Variants in CACNA1C observed in about 807,000 individuals in gnomAD.
The protein encoded by CACNA1C is calcium voltage-gated channel subunit alpha1 C.
A neutral mutation model predicts 229.0 loss-of-function variants in CACNA1C; 30 were observed. The observed-to-expected ratio is 0.13, with a 90% CI of 0.10 to 0.18. The LOEUF is 0.18. CACNA1C is among the 10% of genes least tolerant of loss of function. The pLI is 1.00. For synonymous variants in CACNA1C, 1,114 were observed against 1,132.5 expected (o/e 0.98, Z 0.33); for missense variants, 1,658 against 2,845.0 (o/e 0.58, Z 9.49).
intron 5 of CACNA1C, among the ~76,000 whole-genome samples, chr12:2,476,126 GAGGC>G (rs1277548721): frequency 2.0e-5 from 3 of 152,210 alleles, no homozygotes; most frequent in African/African-American, 2.4e-5. Flanking sequence ...CACCAATAGG[GAGGC>G]AGCACAGAGG....
rs996657572 is a variant in CACNA1C, at chr12:2,108,398, ACCG to A, written c.50-6823_50-6821del. On this transcript the variant is annotated intron_variant, in intron 1 of 46. Coordinates refer to ENST00000399655, the MANE Select transcript of CACNA1C (RefSeq NM_000719.7). This position sits in a 1 kb window ranked among gnomAD's most constrained non-coding sequence, Gnocchi z 5.3. ...TGCCAAGGGCTGGCTCTGGGATCAC[ACCG>A]CCTTATGCATGATCCAGGAATCAGG... is the stretch of plus-strand genomic sequence containing the variant. 3.9e-5 allele frequency among the ~76,000 whole-genome samples: 6 copies of A among 152,202 alleles called. No individual in the cohort carries two copies. The highest frequency in any genetic ancestry group is 2.6e-4 in the Admixed American group (4 of 15,284).
At chr12:2,094,572 C>A (rs1448039676) in intron 1 of CACNA1C, among the ~76,000 whole-genome samples, 1 of 152,104 alleles carries the variant, frequency 6.6e-6, no homozygotes, top group Non-Finnish European at 1.5e-5. Flanking sequence ...GTGCATAGGA[C>A]CTTAGAGGTC....
At chr12:2,066,211 T>G (rs2059200991) in intron 1 of CACNA1C, among the ~76,000 whole-genome samples, 1 of 151,726 alleles carries the variant, frequency 6.6e-6, no homozygotes, top group Non-Finnish European at 1.5e-5. Context: ...GGGTAGAGGT[T>G]GTATTTGGAG....
At position 2,500,199 on chromosome 12, in the gene CACNA1C, G is replaced by T. The variant is rs570632721; in HGVS notation, c.1114-4643G>T. On this transcript the variant is annotated intron_variant, in intron 7 of 46. Transcript: ENST00000399655. ...AAAAACCAGCCCACAGCCCAGGGGG[G>T]ACCAAAGCAGCAGTGTGGGACGGCG... 9.8e-5 allele frequency among the ~76,000 whole-genome samples: 15 copies of T among 152,290 alleles called. No homozygotes were observed. In the South Asian group the frequency reaches 1.0e-3, roughly 11 times the overall value.
At chr12:2,146,182 A>T (rs2094688130) in intron 3 of CACNA1C, among the ~76,000 whole-genome samples, 1 of 150,802 alleles carries the variant, frequency 6.6e-6, no homozygotes, top group Non-Finnish European at 1.5e-5. Context: ...AAAGGTTCTC[A>T]CCCTCGAGGA....
chr12:2,340,198 C>CAT (rs2096822856), intron 3 of CACNA1C, among the ~76,000 whole-genome samples: 1 of 152,172 alleles, frequency 6.6e-6, no homozygotes, highest in East Asian at 1.9e-4. Context: ...TACATAATAA[C>CAT]ATATATATGT....
chr12:2,387,618 G>A (rs2098415747), intron 3 of CACNA1C, among the ~76,000 whole-genome samples: 1 of 152,196 alleles, frequency 6.6e-6, no homozygotes, highest in South Asian at 2.1e-4. Flanking sequence ...TTCCATCCAG[G>A]GTTAGCTCCT....
At chr12:2,393,824 G>T (rs2098527560) in intron 3 of CACNA1C, among the ~76,000 whole-genome samples, 1 of 152,192 alleles carries the variant, frequency 6.6e-6, no homozygotes, top group South Asian at 2.1e-4. Flanking sequence ...GGACACTGGG[G>T]ATTGGTCGTG....
At chr12:2,686,321 T>A (rs2097484930) in intron 45 of CACNA1C, 52 bp downstream of exon 45, 2 of 1,363,394 alleles carry the variant, frequency 1.5e-6, no homozygotes, top group African/African-American at 2.9e-5. Context: ...GGCCAGACAG[T>A]CCCCAGGGTG....
At chr12:2,332,961 G>A (rs761552587) in intron 3 of CACNA1C, among the ~76,000 whole-genome samples, 11 of 152,168 alleles carry the variant, frequency 7.2e-5, no homozygotes, top group Non-Finnish European at 1.3e-4. Context: ...AAATAAAGTA[G>A]CAATGAAGTT....
intron 10 of CACNA1C, among the ~76,000 whole-genome samples, chr12:2,555,710 G>A (rs2154592498): frequency 6.6e-6 from 1 of 152,346 alleles, no homozygotes; most frequent in South Asian, 2.1e-4. Context: ...TAACCGTTCG[G>A]AGCAGTAAAG....
rs1198313183 is a variant in CACNA1C at position 1,983,850 on chromosome 12, A to C, written c.139+12649A>C. ...TCCAAGTAACTGCAGAATTAAAAAA[A>C]AAACAAAAACTTCTCCTTTCGGTTC... On this transcript the variant is annotated intron_variant, in intron 1 of 46. Transcript: ENST00000682462. Among the ~76,000 whole-genome samples the C allele has an allele frequency of 3.3e-5, 5 of 152,048 alleles. No homozygotes were observed. In the South Asian group the frequency reaches 8.3e-4, roughly 25 times the overall value.
intron 1 of CACNA1C, among the ~76,000 whole-genome samples, chr12:2,075,543 CTTCTA>C (rs2154526435): frequency 6.6e-6 from 1 of 152,334 alleles, no homozygotes; most frequent in South Asian, 2.1e-4. Flanking sequence ...TGAGCTCTGG[CTTCTA>C]AAACGCTTTG....
chr12:2,063,368 T>G (rs1361600777), intron 1 of CACNA1C, among the ~76,000 whole-genome samples: 1 of 152,144 alleles, frequency 6.6e-6, no homozygotes, highest in Non-Finnish European at 1.5e-5. Flanking sequence ...GCCAGGATGG[T>G]CTCCATCTCC....
intron 3 of CACNA1C, among the ~76,000 whole-genome samples, chr12:2,407,909 A>C (rs927985944): frequency 6.6e-6 from 1 of 152,222 alleles, no homozygotes; most frequent in African/African-American, 2.4e-5. Context: ...GTTAGACAAT[A>C]ACTATTCTCC....
At chr12:2,241,404 A>ATG (rs1344923631) in intron 3 of CACNA1C, among the ~76,000 whole-genome samples, 1 of 152,066 alleles carries the variant, frequency 6.6e-6, no homozygotes, top group African/African-American at 2.4e-5. Context: ...TTATCATGCC[A>ATG]TGTTTTTTAT....
rs190760462 is a variant in CACNA1C, at chr12:2,297,155, G to A, written c.478-151821G>A. On this transcript the variant is annotated intron_variant, in intron 3 of 46. Coordinates refer to ENST00000399655, the MANE Select transcript of CACNA1C (RefSeq NM_000719.7). ...CTCCGATTGCATGAGCAGGCTTCTCGAGTGCTGTCCTGTCAGCCTACCGTC... is the reference window on the plus strand; with the variant it reads ...CTCCGATTGCATGAGCAGGCTTCTCAAGTGCTGTCCTGTCAGCCTACCGTC... Among the ~76,000 whole-genome samples the A allele has an allele frequency of 3.7e-3, 567 of 152,276 alleles. 2 individuals are homozygous for A. Among genetic ancestry groups the A allele is most frequent in the Middle Eastern group, 0.024 (7 of 294 alleles).
chr12:2,080,645 G>A (rs2065227617), intron 1 of CACNA1C, among the ~76,000 whole-genome samples: 1 of 150,752 alleles, frequency 6.6e-6, no homozygotes, highest in African/African-American at 2.4e-5. Context: ...GAAATAGAAA[G>A]CATAATAAAA....
intron 11 of CACNA1C, among the ~76,000 whole-genome samples, chr12:2,564,913 C>T (rs942638029): frequency 6.6e-6 from 1 of 152,098 alleles, no homozygotes; most frequent in Non-Finnish European, 1.5e-5. Context: ...TGTCCTTTCC[C>T]CCTCCCCAAG....
Sources: allele counts gnomAD v4.1 joint callset (sites outside exome capture counted in the v4.1 genomes callset), GRCh38; gene constraint gnomAD v4.1.1; non-coding constraint Gnocchi (gnomAD v3.1); transcripts MANE v1.5; gene names NCBI Gene and HGNC (gene_info 2026-07-23, HGNC 2026-07-21).